STK39: variants seen among roughly 807,000 people sequenced by gnomAD.
The protein encoded by STK39 is STE20/SPS1-related proline-alanine-rich protein kinase.
Under a neutral mutation model 77.8 loss-of-function variants are expected in STK39, and 20 were observed. The ratio of observed to expected loss-of-function variants is 0.26; its 90% CI spans 0.18 to 0.37. The LOEUF (loss-of-function observed/expected upper bound fraction) is 0.37, where lower values mean the gene tolerates loss of function less well. STK39 is among the 10% of genes least tolerant of loss of function. STK39 has a pLI of 1.00. For synonymous variants in STK39, 246 were observed against 234.1 expected (o/e 1.05, Z -0.47); for missense variants, 479 against 656.5 (o/e 0.73, Z 2.95).
At chr2:168,242,546 C>CAAA (rs1186813675) in intron 1 of STK39, among the ~76,000 whole-genome samples, 31 of 17,530 alleles carry the variant, frequency 1.8e-3, no homozygotes, top group Admixed American at 3.5e-3. Flanking sequence ...AAGACTCTTA[C>CAAA]AAAAAAAAAA....
intron 16 of STK39, among the ~76,000 whole-genome samples, chr2:167,996,657 A>G (rs918295199): frequency 6.6e-6 from 1 of 152,118 alleles, no homozygotes; most frequent in African/African-American, 2.4e-5. Context: ...TCCTGTCTGG[A>G]TTGTCTTCTT....
Position 168,065,366 on chromosome 2 carries a change from T to C in STK39, c.1258A>G (p.Ser420Gly). 1 of 1,614,066 alleles carries C rather than the reference T, an allele frequency of 6.2e-7. No homozygotes were observed. The highest frequency in any genetic ancestry group is 8.5e-7 in the Non-Finnish European group (1 of 1,179,954). Reference protein sequence around the residue: ...EENPEIAVSASTIPEQIQSLS... With the variant: ...EENPEIAVSAGTIPEQIQSLS... ...GACTGTATTTGTTCGGGGATGGTGC[T>C]GGCACTCACTGCAATCTGTTACGAG... Residue 420 changes from serine (S) to glycine (G), a missense_variant, in exon 13 of 18, where the codon AGC becomes GGC. Around this residue, in one of 3 missense-constraint regions of STK39, gnomAD observed 244 missense variants for 296.8 expected, o/e 0.82. Transcript: ENST00000355999.
Position 168,247,452 on chromosome 2 carries a change from G to A in STK39, c.-17C>T. On this transcript the variant is annotated 5_prime_UTR_variant, in exon 1 of 18. Coordinates refer to ENST00000355999, the MANE Select transcript of STK39 (RefSeq NM_013233.3). Reference sequence around the variant, plus strand: ...CTCCGCCATGATGCTGCGGAGGAGAGCAGGAGGACGCGCCGGCCGACGGAC... The same window carrying A: ...CTCCGCCATGATGCTGCGGAGGAGAACAGGAGGACGCGCCGGCCGACGGAC... The A allele has an allele frequency of 7.6e-7, 1 of 1,313,148 alleles. No individual in the cohort carries two copies. Among genetic ancestry groups the A allele is most frequent in the Non-Finnish European group, 9.8e-7 (1 of 1,017,918 alleles). The allele number at this position is 1,313,148 out of a possible 1,614,324, so 81.3% of individuals were successfully genotyped here.
At chr2:168,123,304 T>C (rs765812207) in intron 10 of STK39, among the ~76,000 whole-genome samples, 9 of 152,122 alleles carry the variant, frequency 5.9e-5, no homozygotes, top group South Asian at 2.1e-4. Context: ...AATGGGAAAA[T>C]TGGCAAATGT....
At chr2:168,149,865 G>A (rs1688235160) in intron 5 of STK39, among the ~76,000 whole-genome samples, 1 of 152,230 alleles carries the variant, frequency 6.6e-6, no homozygotes, top group Non-Finnish European at 1.5e-5. Context: ...TTTGCCAGTA[G>A]TTGCTGCTGG....
chr2:168,239,270 T>C (rs930502405), intron 1 of STK39, among the ~76,000 whole-genome samples: 1 of 152,122 alleles, frequency 6.6e-6, no homozygotes, highest in African/African-American at 2.4e-5. Context: ...ATCACTGATA[T>C]ACAAAAGAAA....
chr2:168,230,675 G>A lies in STK39; in HGVS notation c.208+16553C>T, dbSNP rs185834903. On this transcript the variant is annotated intron_variant, in intron 1 of 17. Coordinates refer to ENST00000355999, the MANE Select transcript of STK39 (RefSeq NM_013233.3). ...TGTCAGAATCCATGATGAGAGAACC[G>A]AGCCTTTCAGTCTGTCAGAGGCACC... 1.1e-3 allele frequency among the ~76,000 whole-genome samples: 173 copies of A among 152,214 alleles called. 1 individual carries two copies. Among genetic ancestry groups the A allele is most frequent in the African/African-American group, 3.6e-3 (150 of 41,530 alleles).
At chr2:168,094,651 T>C (rs1276975796) in intron 10 of STK39, among the ~76,000 whole-genome samples, 1 of 152,134 alleles carries the variant, frequency 6.6e-6, no homozygotes, top group Non-Finnish European at 1.5e-5. Context: ...GACAGCACTT[T>C]CTTTTCCTCC....
chr2:168,206,823 A>C lies in STK39; in HGVS notation c.209-24733T>G, dbSNP rs78563889. Among the ~76,000 whole-genome samples the C allele has an allele frequency of 4.4e-3, 668 of 152,334 alleles. 6 individuals carry two copies. The highest frequency in any genetic ancestry group is 0.015 in the African/African-American group (639 of 41,568). On this transcript the variant is annotated intron_variant, in intron 1 of 17. Coordinates refer to ENST00000355999, the MANE Select transcript of STK39 (RefSeq NM_013233.3). The stretch of plus-strand genomic sequence containing the variant: ...GTATTTTTACGGGTCCGGTATTCAA[A>C]GACAGTGATCAATTTCAAGTGATTA...
intron 10 of STK39, among the ~76,000 whole-genome samples, chr2:168,091,398 G>A (rs1416146706): frequency 6.6e-6 from 1 of 152,144 alleles, no homozygotes; most frequent in Non-Finnish European, 1.5e-5. Flanking sequence ...AAAAATATAA[G>A]GAGACAAGGA....
At chr2:167,980,217 T>C (rs1035984040) in intron 16 of STK39, among the ~76,000 whole-genome samples, 1 of 152,186 alleles carries the variant, frequency 6.6e-6, no homozygotes, top group African/African-American at 2.4e-5. Flanking sequence ...CAAACACTTA[T>C]GGAAATAAGC....
chr2:168,070,658 A>T (rs1378612451), intron 12 of STK39, among the ~76,000 whole-genome samples: 1 of 137,118 alleles, frequency 7.3e-6, no homozygotes, highest in Admixed American at 8.6e-5. Flanking sequence ...AAGTGTTCTC[A>T]TTGTTCAATT....
chr2:168,130,769 G>A (rs1003747881), intron 8 of STK39, among the ~76,000 whole-genome samples: 2 of 152,208 alleles, frequency 1.3e-5, no homozygotes. Context: ...CTTACACAAA[G>A]AATAGCTTCC....
At chr2:168,061,683 G>C (rs1685668697) in intron 14 of STK39, among the ~76,000 whole-genome samples, 2 of 152,200 alleles carry the variant, frequency 1.3e-5, no homozygotes, top group African/African-American at 4.8e-5. Context: ...AACTAGGATT[G>C]CAAGAGCAAT....
At position 168,182,021 on chromosome 2, in the gene STK39, C is replaced by T. The variant is rs201730893; in HGVS notation, c.278G>A (p.Arg93Gln). ...KPRQERVAIK[R>Q]INLEKCQTSM... ...GGTCTGGCATTTTTCCAAGTTGATCCGTTTTATTGCTACACGTTCTTGCCT... is the reference window on the plus strand; with the variant it reads ...GGTCTGGCATTTTTCCAAGTTGATCTGTTTTATTGCTACACGTTCTTGCCT... Residue 93 changes from arginine (R) to glutamine (Q), a missense_variant, in exon 2 of 18, where the codon CGG (arginine) becomes CAG (glutamine). Transcript: ENST00000355999. 3 of 1,613,940 alleles carry T rather than the reference C, an allele frequency of 1.9e-6. No individual in the cohort carries two copies. Among genetic ancestry groups the T allele is most frequent in the Non-Finnish European group, 1.7e-6 (2 of 1,179,910 alleles).
intron 1 of STK39, among the ~76,000 whole-genome samples, chr2:168,189,818 C>T (rs1390711821): frequency 6.6e-6 from 1 of 152,172 alleles, no homozygotes; most frequent in Non-Finnish European, 1.5e-5. Flanking sequence ...AAAGCTAAAA[C>T]TCTATTGTAG....
intron 1 of STK39, among the ~76,000 whole-genome samples, chr2:168,235,351 A>G (rs991305222): frequency 4.6e-5 from 7 of 152,092 alleles, no homozygotes; most frequent in Non-Finnish European, 1.0e-4. Context: ...CCGAGTCAAT[A>G]ATATTTCTAA....
At chr2:168,196,152 G>C (rs1689464364) in intron 1 of STK39, among the ~76,000 whole-genome samples, 1 of 152,174 alleles carries the variant, frequency 6.6e-6, no homozygotes, top group African/African-American at 2.4e-5. Flanking sequence ...TAGCATCTTG[G>C]AGTTGCAAAG....
intron 14 of STK39, among the ~76,000 whole-genome samples, chr2:168,024,032 G>A (rs993877673): frequency 6.6e-6 from 1 of 152,110 alleles, no homozygotes; most frequent in Non-Finnish European, 1.5e-5. Context: ...CTATCTCCCC[G>A]CTATCAGGAG....
Sources: gnomAD v4.1 joint callset for allele counts (sites outside exome capture counted in the v4.1 genomes callset) on GRCh38, gnomAD v4.1.1 for gene constraint, gnomAD v4.1.1 regional missense constraint, MANE v1.5 for transcripts, NCBI Gene and HGNC (gene_info 2026-07-23, HGNC 2026-07-21) for gene names.